The following MYOF variants were observed in gnomAD, a reference collection of about 807,000 sequenced individuals.
MYOF encodes the protein myoferlin.
A neutral mutation model predicts 284.2 loss-of-function variants in MYOF; 244 were observed. That is an observed-to-expected ratio of 0.86 (90% CI 0.77 to 0.95). The LOEUF is 0.95. MYOF is among the 40% of genes least tolerant of loss of function. MYOF has a pLI of 0.00. For missense variants in MYOF, 2,496 were observed against 2,560.6 expected (o/e 0.97, Z 0.54); for synonymous variants, 904 against 919.7 (o/e 0.98, Z 0.31).
intron 16 of MYOF, among the ~76,000 whole-genome samples, chr10:93,393,406 G>A (rs1422253703): frequency 2.6e-5 from 4 of 152,150 alleles, no homozygotes; most frequent in African/African-American, 4.8e-5. Context: ...TTGTTTCTTT[G>A]TCGGGGGGAG....
Position 93,460,731 on chromosome 10 carries a change from C to CACTCCA in MYOF, c.89-3800_89-3795dup, listed in dbSNP as rs201703795. Reference sequence around the variant, plus strand: ...GCAGTGAGCCGAGATCAAGCCACTGCACTCCAGCCTGGGCAACAGAGCAAG... The same window carrying CACTCCA: ...GCAGTGAGCCGAGATCAAGCCACTGCACTCCAACTCCAGCCTGGGCAACAGAGCAAG... On this transcript the variant is annotated intron_variant, in intron 1 of 53. Coordinates refer to ENST00000359263, the MANE Select transcript of MYOF (RefSeq NM_013451.4). Among the ~76,000 whole-genome samples the CACTCCA allele has an allele frequency of 0.021, 3,016 of 143,178 alleles. 146 individuals are homozygous for CACTCCA. The East Asian group carries it at 0.23, about 11-fold the overall frequency. The allele number at this position is 143,178 out of a possible 152,430, so 93.9% of individuals were successfully genotyped here.
At chr10:93,431,180 C>A (rs982590265) in intron 4 of MYOF, among the ~76,000 whole-genome samples, 9 of 152,064 alleles carry the variant, frequency 5.9e-5, no homozygotes, top group Non-Finnish European at 1.3e-4. Flanking sequence ...AGACACCAAC[C>A]ACCATGCCCA....
chr10:93,372,817 G>C, intron 24 of MYOF, 113 bp downstream of exon 24: 3 of 1,290,774 alleles, frequency 2.3e-6, no homozygotes, highest in Non-Finnish European at 3.3e-6. Context: ...GGCTAGAATT[G>C]ATCCCAATCA....
intron 6 of MYOF, among the ~76,000 whole-genome samples, chr10:93,409,279 T>C (rs1433970216): frequency 6.6e-6 from 1 of 152,170 alleles, no homozygotes; most frequent in East Asian, 1.9e-4. Flanking sequence ...GGCCCAGAGC[T>C]GCGAAAAACA....
chr10:93,462,657 A>G (rs146371978), intron 1 of MYOF, among the ~76,000 whole-genome samples: 1 of 152,200 alleles, frequency 6.6e-6, no homozygotes, highest in African/African-American at 2.4e-5. Context: ...ATCTCTTTCA[A>G]GAAGGAGGCT....
At chr10:93,345,148 C>T (rs536380554) in intron 37 of MYOF, among the ~76,000 whole-genome samples, 2 of 152,324 alleles carry the variant, frequency 1.3e-5, no homozygotes, top group South Asian at 4.1e-4. Context: ...TGGCAATTGA[C>T]ATACAGGACA....
At chr10:93,309,229 T>C (rs112210258) in intron 53 of MYOF, among the ~76,000 whole-genome samples, 2,977 of 152,304 alleles carry the variant, frequency 0.02, 56 homozygotes, top group Middle Eastern at 0.075. Flanking sequence ...CCCTTAGTCA[T>C]GTGTCCTTGT....
At chr10:93,371,829 A>G (rs535953143) in intron 24 of MYOF, among the ~76,000 whole-genome samples, 36 of 152,194 alleles carry the variant, frequency 2.4e-4, no homozygotes, top group Admixed American at 8.5e-4. Context: ...AAATCAATAA[A>G]TATACAAAAC....
chr10:93,320,354 C>G (rs568889912), intron 48 of MYOF, among the ~76,000 whole-genome samples: 6,859 of 152,260 alleles, frequency 0.045, 536 homozygotes, highest in African/African-American at 0.16. Flanking sequence ...TTAGTCCTCA[C>G]AACTATAACT....
chr10:93,463,679 C>A (rs775322671), intron 1 of MYOF, among the ~76,000 whole-genome samples: 1 of 151,686 alleles, frequency 6.6e-6, no homozygotes. Flanking sequence ...CAATTACAGG[C>A]GTGAGGCACC....
At chr10:93,382,989 G>A (rs1846197955) in intron 19 of MYOF, among the ~76,000 whole-genome samples, 1 of 152,060 alleles carries the variant, frequency 6.6e-6, no homozygotes, top group South Asian at 2.1e-4. Flanking sequence ...TCTGCCTCCT[G>A]GATTCAAGTG....
intron 3 of MYOF, among the ~76,000 whole-genome samples, chr10:93,438,166 T>A (rs904883153): frequency 6.6e-6 from 1 of 152,098 alleles, no homozygotes. Flanking sequence ...GACTGTGACA[T>A]TTCCTCTTAG....
At chr10:93,427,108 G>A (rs570827217) in intron 4 of MYOF, among the ~76,000 whole-genome samples, 3 of 150,638 alleles carry the variant, frequency 2.0e-5, no homozygotes, top group Admixed American at 1.3e-4. Flanking sequence ...GGCTGGTTTC[G>A]ATCTCCTGAC....
Position 93,372,934 on chromosome 10 carries a change from A to G in MYOF, c.2453T>C (p.Leu818Pro). Residue 818 changes from leucine to proline, a missense_variant, in exon 24 of 54, where the codon CTG becomes CCG. Physicochemically the swap from Leu to Pro is moderately conservative, Grantham distance 98. Coordinates refer to ENST00000359263, the MANE Select transcript of MYOF (RefSeq NM_013451.4). ...TGACACAGTGAAGATATGTACCTTC[A>G]GAAAGATGGTTTGGGTTTTCCCACA... The part of the protein sequence containing the change: ...KYCGKTQTIF[L>P]KYPQEKNNGP... The G allele has an allele frequency of 1.9e-6, 3 of 1,614,210 alleles. No individual in the cohort carries two copies. The highest frequency in any genetic ancestry group is 2.5e-6 in the Non-Finnish European group (3 of 1,180,016).
At chr10:93,375,287 T>C (rs10882224) in intron 22 of MYOF, among the ~76,000 whole-genome samples, 47,971 of 152,132 alleles carry the variant, frequency 0.32, 8,702 homozygotes, top group East Asian at 0.86. Context: ...TTCCCTTCTT[T>C]TGCTTCCTAG....
In MYOF at chr10:93,476,320, C is replaced by T. The variant is rs1338442985; in HGVS notation, c.88+5787G>A. Among the ~76,000 whole-genome samples, 4 of 139,422 alleles carry T rather than the reference C, an allele frequency of 2.9e-5. 1 individual carries two copies. The highest frequency in any genetic ancestry group is 4.5e-5 in the Non-Finnish European group (3 of 66,252). The allele number at this position is 139,422 out of a possible 152,430, so 91.5% of individuals were successfully genotyped here. A position where few individuals can be genotyped will look rare whatever the true frequency, so the allele number is the denominator to read the frequency against. On this transcript the variant is annotated intron_variant, in intron 1 of 53. Transcript: ENST00000359263. ...AGGCTGGAGTGCAGTGGCGCGATCTCAGCTCACTGCAACCTCCGCCTCCCA... is the reference window on the plus strand; with the variant it reads ...AGGCTGGAGTGCAGTGGCGCGATCTTAGCTCACTGCAACCTCCGCCTCCCA...
intron 22 of MYOF, among the ~76,000 whole-genome samples, chr10:93,376,540 C>T (rs1308306631): frequency 6.6e-6 from 1 of 152,124 alleles, no homozygotes; most frequent in African/African-American, 2.4e-5. Context: ...ATTTTGGTTG[C>T]GTTTCAATTA....
At chr10:93,467,378 C>T (rs2057034337) in intron 1 of MYOF, among the ~76,000 whole-genome samples, 1 of 133,660 alleles carries the variant, frequency 7.5e-6, no homozygotes, top group Admixed American at 8.0e-5. Flanking sequence ...CATGTGTTCT[C>T]ATTGTTCAGT....
chr10:93,338,564 A>G (rs1843719600), intron 39 of MYOF: 1 of 453,678 alleles, frequency 2.2e-6, no homozygotes, highest in Non-Finnish European at 4.4e-6. Context: ...TGGAAATCAT[A>G]TGGGATCTTT....
Sources: allele counts gnomAD v4.1 joint callset (sites outside exome capture counted in the v4.1 genomes callset), GRCh38; gene constraint gnomAD v4.1.1; transcripts MANE v1.5; gene names NCBI Gene and HGNC (gene_info 2026-07-23, HGNC 2026-07-21).